Variants in CTDP1 observed in about 807,000 individuals in gnomAD.
The protein encoded by CTDP1 is RNA polymerase II subunit A C-terminal domain phosphatase.
A neutral mutation model predicts 91.8 loss-of-function variants in CTDP1; 47 were observed. That is an observed-to-expected ratio of 0.51 (90% CI 0.41 to 0.65). CTDP1 has a LOEUF of 0.65. Ranked by LOEUF, CTDP1 falls within the 30% of genes least tolerant of loss-of-function variation. The pLI is 0.00. For missense variants in CTDP1, 1,272 were observed against 1,373.7 expected (o/e 0.93, Z 1.17); for synonymous variants, 656 against 598.5 (o/e 1.10, Z -1.40).
At chr18:79,702,169 G>A (rs1349508500) in intron 4 of CTDP1, among the ~76,000 whole-genome samples, 1 of 152,140 alleles carries the variant, frequency 6.6e-6, no homozygotes, top group Admixed American at 6.5e-5. Flanking sequence ...TTTTGTGAAA[G>A]GAAGAGTTGA....
At chr18:79,708,220 T>C (rs2086007764) in intron 5 of CTDP1, among the ~76,000 whole-genome samples, 1 of 152,202 alleles carries the variant, frequency 6.6e-6, no homozygotes, top group Non-Finnish European at 1.5e-5. Context: ...CCACAGTGCA[T>C]TGTGCATAGT....
At chr18:79,728,014 C>A (rs2086486242) in intron 10 of CTDP1, among the ~76,000 whole-genome samples, 4 of 152,160 alleles carry the variant, frequency 2.6e-5, no homozygotes, top group Admixed American at 2.6e-4. Context: ...CAGAAAGATC[C>A]TTGAAACAGA....
At chr18:79,694,782 T>C (rs140282071) in intron 1 of CTDP1, among the ~76,000 whole-genome samples, 1 of 152,364 alleles carries the variant, frequency 6.6e-6, no homozygotes, top group African/African-American at 2.4e-5. Flanking sequence ...AAACGAACAT[T>C]ACAGTCATTT....
In CTDP1 at chr18:79,717,989, C is replaced by G; in HGVS notation, c.2390C>G (p.Pro797Arg). 1 of 1,613,454 alleles carries G rather than the reference C, an allele frequency of 6.2e-7. No individual in the cohort carries two copies. The highest frequency in any genetic ancestry group is 8.5e-7 in the Non-Finnish European group (1 of 1,179,936). ...RGPPAPSSSL[P>R]IRQEPSSFRA... Reference sequence around the variant, plus strand: ...CCCCCAGCACCCTCCAGCTCCCTACCCATCCGCCAGGAGCCCTCTTCCTTC... The same window carrying G: ...CCCCCAGCACCCTCCAGCTCCCTACGCATCCGCCAGGAGCCCTCTTCCTTC... The change falls in exon 10 of 13, where the codon CCC becomes CGC. Residue 797 changes from proline (P) to arginine (R), a missense_variant. By Grantham distance (103) the Pro-to-Arg change is moderately radical (BLOSUM62 -2). This residue lies in a region of CTDP1 where 881 missense variants were observed against 911.6 expected (regional missense o/e 0.97). Coordinates refer to ENST00000613122, the MANE Select transcript of CTDP1 (RefSeq NM_004715.5).
At chr18:79,718,617 GC>G (rs1650833507) in intron 10 of CTDP1, among the ~76,000 whole-genome samples, 1 of 152,182 alleles carries the variant, frequency 6.6e-6, no homozygotes, top group African/African-American at 2.4e-5. Flanking sequence ...GTGCCTGTTT[GC>G]CCGCGTGGAC....
intron 12 of CTDP1, among the ~76,000 whole-genome samples, chr18:79,740,962 TCCTGCACAGGTTGGGTGAGGTCC>T (rs2086763751): frequency 6.6e-6 from 1 of 152,158 alleles, no homozygotes; most frequent in Admixed American, 6.5e-5. Context: ...AGGTGAGGTC[TCCTGCACAGGTTGGGTGAGGTCC>T]CCCGTGCGGT....
chr18:79,753,860 C>T lies in CTDP1; in HGVS notation c.*70C>T. ...GCACTCGGACGTCCCCGGACCAGCC[C>T]TCAGTCTCGGTCCACGCTGCTTTCT... On this transcript the variant is annotated 3_prime_UTR_variant, in exon 13 of 13. Coordinates refer to ENST00000613122, the MANE Select transcript of CTDP1 (RefSeq NM_004715.5). 6.4e-7 allele frequency: 1 copy of T among 1,566,610 alleles called. No individual in the cohort carries two copies. Among genetic ancestry groups the T allele is most frequent in the Non-Finnish European group, 8.7e-7 (1 of 1,154,466 alleles).
chr18:79,714,086 G>A (rs1340472419), intron 7 of CTDP1, among the ~76,000 whole-genome samples: 6 of 150,614 alleles, frequency 4.0e-5, no homozygotes, highest in African/African-American at 9.8e-5. Context: ...AGGGGCTTAC[G>A]GTCACGGTGG....
chr18:79,696,854 C>T (rs1449094511), intron 3 of CTDP1, among the ~76,000 whole-genome samples: 1 of 152,206 alleles, frequency 6.6e-6, no homozygotes, highest in Non-Finnish European at 1.5e-5. Context: ...CCCGACCTCG[C>T]TTCACCCCGT....
At chr18:79,704,986 C>T (rs898072791) in intron 5 of CTDP1, 69 bp downstream of exon 5, 1 of 1,602,040 alleles carries the variant, frequency 6.2e-7, no homozygotes. Flanking sequence ...GTGATGGTTT[C>T]TTAAAGATGA....
chr18:79,679,853 C>G lies in CTDP1; in HGVS notation c.-95C>G. 1 of 1,190,770 alleles carries G rather than the reference C, an allele frequency of 8.4e-7. No homozygotes were observed. Among genetic ancestry groups the G allele is most frequent in the Non-Finnish European group, 1.1e-6 (1 of 905,988 alleles). 73.8% of individuals were successfully genotyped at this position (1,190,770 alleles called of 1,614,324 possible). A position where few individuals can be genotyped will look rare whatever the true frequency, so the allele number is the denominator to read the frequency against. On this transcript the variant is annotated 5_prime_UTR_variant, in exon 1 of 13. Transcript: ENST00000613122. ...TGGAAGCCGGTACCGAGAGGAACTA[C>G]AGCGTCGCCGCCTGGGTTGTGTCGC...
At position 79,715,039 on chromosome 18, in the gene CTDP1, G is replaced by A. The variant is rs2086173461; in HGVS notation, c.1579G>A (p.Glu527Lys). 6.2e-7 allele frequency: 1 copy of A among 1,608,198 alleles called. No individual in the cohort carries two copies. Residue 527 changes from glutamate (E) to lysine (K), a missense_variant, in exon 8 of 13, where the codon GAG becomes AAG. Glu to Lys is a moderately conservative substitution (Grantham distance 56, BLOSUM62 1). Transcript: ENST00000613122. The stretch of plus-strand genomic sequence containing the variant: ...GCCTGGCGCGCATGCCCCGGACAAG[G>A]AGCCTGAGCTGGGTGGGCAGGAGGA... Reference protein sequence around the residue: ...AEPGAHAPDKEPELGGQEEGE... With the variant: ...AEPGAHAPDKKPELGGQEEGE...
At chr18:79,683,789 G>C (rs971216637) in intron 1 of CTDP1, among the ~76,000 whole-genome samples, 1 of 152,332 alleles carries the variant, frequency 6.6e-6, no homozygotes, top group Admixed American at 6.5e-5. Context: ...TTTCCCGAGG[G>C]TGTTGTTGAG....
chr18:79,698,109 G>A (rs1235221114), intron 4 of CTDP1, 121 bp downstream of exon 4: 2 of 1,428,714 alleles, frequency 1.4e-6, no homozygotes, highest in East Asian at 5.0e-5. Context: ...GGTTTGGAAA[G>A]CAGACTTGCT....
intron 10 of CTDP1, among the ~76,000 whole-genome samples, chr18:79,727,933 C>T (rs1046422847): frequency 3.9e-5 from 6 of 152,186 alleles, no homozygotes; most frequent in Admixed American, 1.3e-4. Context: ...ATAAGATTGA[C>T]ATATCCAGAT....
chr18:79,690,402 C>T (rs2085596022), intron 1 of CTDP1, among the ~76,000 whole-genome samples: 1 of 152,170 alleles, frequency 6.6e-6, no homozygotes, highest in Non-Finnish European at 1.5e-5. Context: ...AACCAGAAAA[C>T]ATTTATTGGT....
chr18:79,704,580 G>A (rs895477920), intron 4 of CTDP1, among the ~76,000 whole-genome samples, 187 bp from the exon 5 acceptor site: 5 of 151,318 alleles, frequency 3.3e-5, no homozygotes, highest in Non-Finnish European at 1.5e-5. Flanking sequence ...GCACATGTGT[G>A]TCTTCAGGAC....
At chr18:79,717,490 T>G in intron 8 of CTDP1, 45 bp from the exon 9 acceptor site, 1 of 1,608,960 alleles carries the variant, frequency 6.2e-7, no homozygotes, top group African/African-American at 1.3e-5. Context: ...GCCCTGAGCC[T>G]CCAGTGCTGG....
At chr18:79,740,195 C>T (rs1294601550) in intron 12 of CTDP1, among the ~76,000 whole-genome samples, 1 of 151,410 alleles carries the variant, frequency 6.6e-6, no homozygotes, top group African/African-American at 2.4e-5. Context: ...TACCCACGGC[C>T]GGGACGGGTG....
Sources: allele counts gnomAD v4.1 joint callset (sites outside exome capture counted in the v4.1 genomes callset), GRCh38; gene constraint gnomAD v4.1.1; regional missense constraint gnomAD v4.1.1; transcripts MANE v1.5; gene names NCBI Gene and HGNC (gene_info 2026-07-23, HGNC 2026-07-21).